The following EMG1 variants were observed in gnomAD, a reference collection of about 807,000 sequenced individuals.
EMG1 encodes the protein EMG1 N1-specific pseudouridine methyltransferase.
EMG1 carries 24 observed loss-of-function variants against 26.9 expected under a neutral mutation model. That is an observed-to-expected ratio of 0.89 (90% CI 0.65 to 1.26). The LOEUF is 1.26. Among genes scored for constraint, EMG1 ranks in the 50% most tolerant of loss-of-function variants. EMG1 has a pLI of 0.00. For synonymous variants in EMG1, 140 were observed against 112.6 expected (o/e 1.24, Z -1.54); for missense variants, 299 against 307.6 (o/e 0.97, Z 0.21).
chr12:6,989,434 C>A (rs1326402845), downstream of EMG1, among the ~76,000 whole-genome samples: 2 of 151,458 alleles, frequency 1.3e-5, no homozygotes. Context: ...CTCAGCCTCT[C>A]CGAGTAGCTG....
downstream of EMG1, chr12:6,982,830 TCCTGAGACTTCCAATCACAAC>T: frequency 2.5e-6 from 3 of 1,211,862 alleles, no homozygotes; most frequent in South Asian, 2.5e-5. Flanking sequence ...ACTCCCACCG[TCCTGAGACTTCCAATCACAAC>T]GTAATATATA....
Position 6,977,386 on chromosome 12 carries a change from G to A in EMG1, c.*1577G>A, listed in dbSNP as rs782702564. 2.5e-6 allele frequency: 4 copies of A among 1,614,076 alleles called. No homozygotes were observed. The highest frequency in any genetic ancestry group is 2.5e-6 in the Non-Finnish European group (3 of 1,180,050). ...ACTTGCCTTAAGCCATTTGTCCCAC[G>A]TGAAGAGGCAGAAGGCAGTCATGGA... On this transcript the variant is annotated 3_prime_UTR_variant, in exon 6 of 6. Coordinates refer to ENST00000599672, the MANE Select transcript of EMG1 (RefSeq NM_006331.8). This position sits in a 1 kb window ranked among gnomAD's most constrained non-coding sequence, Gnocchi z 4.5.
At chr12:6,986,738 G>A (rs1459407853) in intron 6 of EMG1, among the ~76,000 whole-genome samples, 1 of 145,586 alleles carries the variant, frequency 6.9e-6, no homozygotes, top group Non-Finnish European at 1.5e-5. Context: ...AGCAGAGATT[G>A]CAGTGAGCAG....
At chr12:6,984,324 G>C (rs1475614399), downstream of EMG1, among the ~76,000 whole-genome samples, 1 of 152,144 alleles carries the variant, frequency 6.6e-6, no homozygotes, top group Non-Finnish European at 1.5e-5. Flanking sequence ...CATGGCCAAG[G>C]GTTGCTTATT....
Position 6,977,473 on chromosome 12 carries a change from G to C in EMG1, c.*1664G>C. ...CAAATAGTAGAAGGGCTGGAGGACA[G>C]TAATGGCGGCCAGCTTGCTCAGGGT... On this transcript the variant is annotated 3_prime_UTR_variant, in exon 6 of 6. Transcript: ENST00000599672. This position sits in a 1 kb window ranked among gnomAD's most constrained non-coding sequence, Gnocchi z 4.5. The C allele has an allele frequency of 1.2e-6, 2 of 1,614,240 alleles. No individual in the cohort carries two copies. The highest frequency in any genetic ancestry group is 1.7e-6 in the Non-Finnish European group (2 of 1,180,044).
At chr12:6,983,403 C>T (rs782346689), downstream of EMG1, 27 of 1,426,408 alleles carry the variant, frequency 1.9e-5, no homozygotes, top group East Asian at 2.5e-4. Context: ...CCACTAATTG[C>T]GGTGTCACTG....
At position 6,970,943 on chromosome 12, in the gene EMG1, G is replaced by A. The variant is rs782778398; in HGVS notation, c.20G>A (p.Gly7Glu). The change falls in exon 1 of 6, where the codon GGA (glycine) becomes GAA (glutamate). Residue 7 changes from glycine (G) to glutamate (E), a missense_variant. Gly to Glu is a moderately conservative substitution (Grantham distance 98, BLOSUM62 -2). Transcript: ENST00000599672. MAAPSD[G>E]FKPRERSGGE... ...TGCAAGATGGCCGCGCCCAGTGATG[G>A]ATTCAAGCCTCGTGAACGAAGCGGT... 1 of 1,613,188 alleles carries A rather than the reference G, an allele frequency of 6.2e-7. No homozygotes were observed. The highest frequency in any genetic ancestry group is 8.5e-7 in the Non-Finnish European group (1 of 1,179,550).
chr12:6,980,939 CA>C, downstream of EMG1: 1 of 1,466,640 alleles, frequency 6.8e-7, no homozygotes, highest in East Asian at 2.3e-5. Context: ...ATGCAGCTTT[CA>C]GAAGAGTCAC....
Position 6,973,275 on chromosome 12 carries a change from C to G in EMG1, c.169-1064C>G, listed in dbSNP as rs781817951. On this transcript the variant is annotated intron_variant, in intron 1 of 5. Coordinates refer to ENST00000599672, the MANE Select transcript of EMG1 (RefSeq NM_006331.8). The stretch of plus-strand genomic sequence containing the variant: ...CTCTGTCTCCTGGGCTCAAGCCATC[C>G]TCCCACCTTAGCCTCCCAAGTAGCT... Among the ~76,000 whole-genome samples the G allele has an allele frequency of 2.0e-4, 31 of 152,276 alleles. No homozygotes were observed. The South Asian group carries it at 3.3e-3, about 16-fold the overall frequency.
chr12:6,989,429 C>T (rs1208685619), downstream of EMG1, among the ~76,000 whole-genome samples: 3 of 151,562 alleles, frequency 2.0e-5, no homozygotes, highest in Non-Finnish European at 4.4e-5. Context: ...CCTGCCTCAG[C>T]CTCTCCGAGT....
rs1174858196 is a variant in EMG1, at chr12:6,979,189, G to A, written c.*3380G>A. The A allele has an allele frequency of 4.2e-6, 2 of 478,360 alleles. No homozygotes were observed. Among genetic ancestry groups the A allele is most frequent in the African/African-American group, 3.9e-5 (2 of 51,006 alleles). 29.6% of individuals were successfully genotyped at this position (478,360 alleles called of 1,614,324 possible). A position where few individuals can be genotyped will look rare whatever the true frequency, so the allele number is the denominator to read the frequency against. On this transcript the variant is annotated 3_prime_UTR_variant, in exon 6 of 6. Coordinates refer to ENST00000599672, the MANE Select transcript of EMG1 (RefSeq NM_006331.8). ...AGAATCAGAAGCTGCTGTGCTCTGA[G>A]GGGTCACGTGGATGTGATAAGGCAA...
downstream of EMG1, among the ~76,000 whole-genome samples, chr12:6,983,977 T>C (rs989738325): frequency 3.9e-5 from 6 of 152,196 alleles, no homozygotes; most frequent in African/African-American, 1.4e-4. Context: ...ACCCCGTCTC[T>C]ATTAAAAAAC....
chr12:6,990,082 C>A (rs1341949555), downstream of EMG1, among the ~76,000 whole-genome samples: 1 of 151,616 alleles, frequency 6.6e-6, no homozygotes, highest in Non-Finnish European at 1.5e-5. Flanking sequence ...GAGGCTGAGG[C>A]AGGAGGATCA....
downstream of EMG1, among the ~76,000 whole-genome samples, chr12:6,989,533 C>T (rs1332381146): frequency 1.3e-5 from 2 of 151,978 alleles, no homozygotes; most frequent in Non-Finnish European, 2.9e-5. Flanking sequence ...CTCCTGACCT[C>T]GTGATCCGCC....
chr12:6,993,013 A>C (rs1375934446), downstream of EMG1, among the ~76,000 whole-genome samples: 2 of 152,230 alleles, frequency 1.3e-5, no homozygotes, highest in African/African-American at 4.8e-5. Context: ...TATTTAGCTT[A>C]GAATCCATGA....
chr12:6,975,277 G>A lies in EMG1; in HGVS notation c.520G>A (p.Val174Ile). The A allele has an allele frequency of 1.9e-6, 3 of 1,613,402 alleles. No individual in the cohort carries two copies. The highest frequency in any genetic ancestry group is 2.5e-6 in the Non-Finnish European group (3 of 1,179,548). ...TCACTTTCCAGTTGGATGTATGAAA[G>A]TTGGCACTTCTTTTTCCATCCCGGT... ...SDHFPVGCMK[V>I]GTSFSIPVVS... The change falls in exon 5 of 6, where the codon GTT becomes ATT. Residue 174 changes from valine to isoleucine, a missense_variant. By Grantham distance (29) the Val-to-Ile change is conservative (BLOSUM62 3). Transcript: ENST00000599672.
chr12:6,991,149 A>G (rs958699290), downstream of EMG1, among the ~76,000 whole-genome samples: 6 of 152,224 alleles, frequency 3.9e-5, no homozygotes, highest in Non-Finnish European at 7.3e-5. Context: ...ACTTAATAGA[A>G]GATGACTGGA....
rs782437894 is a variant in EMG1 at position 6,976,977 on chromosome 12, C to T, written c.*1168C>T. ...CCCTTCCAGATGTTTCCTAGCATGCCTCAATAAGTCACAGTAGTCATTGCC... is the reference window on the plus strand; with the variant it reads ...CCCTTCCAGATGTTTCCTAGCATGCTTCAATAAGTCACAGTAGTCATTGCC... On this transcript the variant is annotated 3_prime_UTR_variant, in exon 6 of 6. Transcript: ENST00000599672. 78 of 610,754 alleles carry T rather than the reference C, an allele frequency of 1.3e-4. No homozygotes were observed. The highest frequency in any genetic ancestry group is 1.2e-3 in the African/African-American group (66 of 55,238). 37.8% of individuals were successfully genotyped at this position (610,754 alleles called of 1,614,324 possible). A position where few individuals can be genotyped will look rare whatever the true frequency, so the allele number is the denominator to read the frequency against.
chr12:6,977,881 A>T lies in EMG1; in HGVS notation c.*2072A>T. 1 of 1,008,818 alleles carries T rather than the reference A, an allele frequency of 9.9e-7. No individual in the cohort carries two copies. Among genetic ancestry groups the T allele is most frequent in the Non-Finnish European group, 1.5e-6 (1 of 670,402 alleles). 62.5% of individuals were successfully genotyped at this position (1,008,818 alleles called of 1,614,324 possible). ...ACGTGTAGCCCCCAGAGGGTACAGG[A>T]GGCAGTGCTGACTGATTACTTTTAG... On this transcript the variant is annotated 3_prime_UTR_variant, in exon 6 of 6. Coordinates refer to ENST00000599672, the MANE Select transcript of EMG1 (RefSeq NM_006331.8). This position sits in a 1 kb window ranked among gnomAD's most constrained non-coding sequence, Gnocchi z 4.5.
Sources: gnomAD v4.1 joint callset for allele counts (sites outside exome capture counted in the v4.1 genomes callset) on GRCh38, gnomAD v4.1.1 for gene constraint, Gnocchi (gnomAD v3.1) non-coding constraint, MANE v1.5 for transcripts, NCBI Gene and HGNC (gene_info 2026-07-23, HGNC 2026-07-21) for gene names.